CFAP107: variants seen among roughly 807,000 people sequenced by gnomAD.
CFAP107 encodes cilia- and flagella-associated protein 107.
the CFAP107 span, chr1:12,753,911 T>A: frequency 2.0e-5 from 3 of 151,962 alleles, no homozygotes; most frequent in African/African-American, 4.8e-5. Flanking sequence ...TCTTTTTTTT[T>A]AATTAAATAA....
the CFAP107 span, chr1:12,753,901 TC>T: frequency 5.9e-5 from 9 of 151,712 alleles, no homozygotes; most frequent in African/African-American, 2.2e-4. Context: ...CTTATCTCTC[TC>T]TTTTTTTTTA....
chr1:12,746,613 A>C, the CFAP107 span: 1 of 1,121,788 alleles, frequency 8.9e-7, no homozygotes, highest in East Asian at 2.4e-5. Context: ...GAAGTTCATC[A>C]CTATTTTCAA....
the CFAP107 span, chr1:12,760,813 AC>A: frequency 2.2e-5 from 36 of 1,614,062 alleles, no homozygotes; most frequent in Non-Finnish European, 2.5e-5. Flanking sequence ...TCAAGCAGAG[AC>A]AGCTCACACC....
the CFAP107 span, chr1:12,759,303 CT>C: frequency 6.2e-6 from 10 of 1,612,992 alleles, no homozygotes; most frequent in Non-Finnish European, 8.5e-6. Context: ...TGTGTCTGTC[CT>C]TCCAGGGGCT....
chr1:12,759,961 A>T, the CFAP107 span, among the ~76,000 whole-genome samples: 1 of 152,160 alleles, frequency 6.6e-6, no homozygotes, highest in African/African-American at 2.4e-5. Flanking sequence ...AGTGTGCGCT[A>T]TAAAGAAAAC....
the CFAP107 span, chr1:12,746,387 C>T: frequency 6.5e-7 from 1 of 1,529,886 alleles, no homozygotes; most frequent in Admixed American, 1.7e-5. Context: ...CGCCTGAAGC[C>T]TTAAACTGCA....
At chr1:12,748,510 C>T in the CFAP107 span, among the ~76,000 whole-genome samples, 2 of 148,650 alleles carry the variant, frequency 1.3e-5, no homozygotes, top group East Asian at 3.9e-4. Context: ...AGATGTACAC[C>T]AGAAAAGAGT....
the CFAP107 span, chr1:12,761,097 G>A: frequency 4.1e-6 from 3 of 733,122 alleles, no homozygotes; most frequent in African/African-American, 3.6e-5. Context: ...TCTGCATTTG[G>A]CGGTACCTGT....
chr1:12,755,642 A>T, the CFAP107 span: 1 of 1,192,282 alleles, frequency 8.4e-7, no homozygotes, highest in Non-Finnish European at 1.3e-6. Flanking sequence ...AAGGGGACCC[A>T]GCAGAAGTTT....
the CFAP107 span, among the ~76,000 whole-genome samples, chr1:12,758,813 C>A: frequency 6.6e-6 from 1 of 152,200 alleles, no homozygotes; most frequent in Non-Finnish European, 1.5e-5. Context: ...AGCTGTAAAT[C>A]CTGTGCAAGA....
At chr1:12,758,053 G>T in the CFAP107 span, among the ~76,000 whole-genome samples, 249 of 152,234 alleles carry the variant, frequency 1.6e-3, 3 homozygotes, top group African/African-American at 5.7e-3. Flanking sequence ...TGTCCACCGT[G>T]CCTCGCCCAA....
the CFAP107 span, chr1:12,760,798 G>C: frequency 6.2e-7 from 1 of 1,614,016 alleles, no homozygotes; most frequent in Non-Finnish European, 8.5e-7. Context: ...GACTCTATGA[G>C]CAGCTCAAGC....
the CFAP107 span, among the ~76,000 whole-genome samples, chr1:12,758,090 G>T: frequency 6.6e-6 from 1 of 152,110 alleles, no homozygotes; most frequent in African/African-American, 2.4e-5. Flanking sequence ...CACAGTAAAG[G>T]CTCTGGGCCC....
At chr1:12,753,115 A>G in the CFAP107 span, among the ~76,000 whole-genome samples, 200 of 152,344 alleles carry the variant, frequency 1.3e-3, no homozygotes, top group African/African-American at 4.5e-3. Context: ...AATTCCATTT[A>G]CAGTAACATC....
At chr1:12,757,704 G>A in the CFAP107 span, among the ~76,000 whole-genome samples, 3 of 151,972 alleles carry the variant, frequency 2.0e-5, 1 homozygote, top group Non-Finnish European at 4.4e-5. Context: ...TTATTTTTAA[G>A]GTTTCTGTTC....
chr1:12,752,718 A>T, the CFAP107 span, among the ~76,000 whole-genome samples: 1 of 152,066 alleles, frequency 6.6e-6, no homozygotes, highest in African/African-American at 2.4e-5. Context: ...CATAGAAGGA[A>T]ACTGCCTCAA....
chr1:12,757,871 G>A, the CFAP107 span, among the ~76,000 whole-genome samples: 1 of 151,728 alleles, frequency 6.6e-6, no homozygotes, highest in African/African-American at 2.4e-5. Flanking sequence ...TCCTTGTTAG[G>A]CAAAAATGAC....
the CFAP107 span, chr1:12,755,650 T>A: frequency 7.7e-7 from 1 of 1,303,022 alleles, no homozygotes; most frequent in Non-Finnish European, 1.1e-6. Context: ...CCAGCAGAAG[T>A]TTGAGAAGTG....
the CFAP107 span, among the ~76,000 whole-genome samples, chr1:12,750,181 T>C: frequency 6.6e-6 from 1 of 152,176 alleles, no homozygotes; most frequent in African/African-American, 2.4e-5. Context: ...GTTATAACTG[T>C]AGGATATTGT....
Sources: gnomAD v4.1 joint callset for allele counts (sites outside exome capture counted in the v4.1 genomes callset) on GRCh38, gnomAD v4.1.1 for gene constraint, MANE v1.5 for transcripts, NCBI Gene and HGNC (gene_info 2026-07-23, HGNC 2026-07-21) for gene names.